PDE10A: variants seen among roughly 807,000 people sequenced by gnomAD.
PDE10A encodes cAMP and cAMP-inhibited cGMP 3',5'-cyclic phosphodiesterase 10A.
Under a neutral mutation model 97.7 loss-of-function variants are expected in PDE10A, and 39 were observed. The ratio of observed to expected loss-of-function variants is 0.40; its 90% CI spans 0.31 to 0.52. The LOEUF (loss-of-function observed/expected upper bound fraction) is 0.52, where lower values mean the gene tolerates loss of function less well. Among genes scored for constraint, PDE10A ranks in the 20% least tolerant of loss-of-function variants. The pLI, the probability that PDE10A is intolerant of heterozygous loss-of-function variation, is 0.56. For missense variants in PDE10A, 731 were observed against 1,047.8 expected (o/e 0.70, Z 4.17); for synonymous variants, 371 against 376.8 (o/e 0.98, Z 0.18).
intron 1 of PDE10A, among the ~76,000 whole-genome samples, chr6:165,794,562 C>T (rs1778777003): frequency 6.6e-6 from 1 of 151,420 alleles, no homozygotes; most frequent in Non-Finnish European, 1.5e-5. Flanking sequence ...CACAAGGTCA[C>T]TTACACACAC....
intron 18 of PDE10A, among the ~76,000 whole-genome samples, chr6:165,350,643 C>G (rs1782631803): frequency 6.6e-6 from 1 of 152,116 alleles, no homozygotes; most frequent in Non-Finnish European, 1.5e-5. Flanking sequence ...GGCTGTGTCC[C>G]CACCCAAATC....
chr6:165,964,684 A>C (rs1407249232), intron 1 of PDE10A, among the ~76,000 whole-genome samples: 1 of 152,206 alleles, frequency 6.6e-6, no homozygotes, highest in Non-Finnish European at 1.5e-5. Flanking sequence ...GCAGTGCCCA[A>C]TTTAGAAGGA....
rs117998630 is a variant in PDE10A at position 165,478,716 on chromosome 6, G to T, written c.1023+3599C>A. ...CTTTCCAGGTCTTTTCTCTGATCCA[G>T]GAGAGTCTAAGATTCTGGTAGCTGT... On this transcript the variant is annotated intron_variant, in intron 3 of 21. Coordinates refer to ENST00000539869, the MANE Select transcript of PDE10A (RefSeq NM_001385079.1). Among the ~76,000 whole-genome samples the T allele has an allele frequency of 1.7e-4, 26 of 152,260 alleles. No individual in the cohort carries two copies. The East Asian group carries it at 4.6e-3, about 27-fold the overall frequency.
chr6:165,417,861 GCCAGAATGGTGTTATTA>G (rs1456564432), intron 11 of PDE10A, among the ~76,000 whole-genome samples: 3 of 152,028 alleles, frequency 2.0e-5, no homozygotes, highest in Non-Finnish European at 4.4e-5. Flanking sequence ...ACAGTGTTTT[GCCAGAATGGTGTTATTA>G]CCAGAGAACT....
At chr6:165,520,409 T>C (rs1234038309) in intron 2 of PDE10A, among the ~76,000 whole-genome samples, 1 of 152,146 alleles carries the variant, frequency 6.6e-6, no homozygotes, top group Non-Finnish European at 1.5e-5. Context: ...TAGTAATATG[T>C]ATAACATCTG....
intron 1 of PDE10A, among the ~76,000 whole-genome samples, chr6:165,590,462 T>C (rs1188112902): frequency 1.3e-5 from 2 of 152,096 alleles, no homozygotes; most frequent in Non-Finnish European, 2.9e-5. Context: ...ACAGCAAACA[T>C]AAAGAGTATG....
chr6:165,468,596 T>A (rs1025626033), intron 3 of PDE10A, among the ~76,000 whole-genome samples: 4 of 152,216 alleles, frequency 2.6e-5, no homozygotes, highest in African/African-American at 9.6e-5. Flanking sequence ...GTAAGGTTTT[T>A]AACAAATATT....
At chr6:165,810,483 C>G (rs945222080) in intron 1 of PDE10A, among the ~76,000 whole-genome samples, 5 of 152,174 alleles carry the variant, frequency 3.3e-5, no homozygotes, top group Non-Finnish European at 7.3e-5. Context: ...CCTCAGAGCA[C>G]TCAGCTTCAT....
intron 2 of PDE10A, among the ~76,000 whole-genome samples, chr6:165,543,200 C>T (rs913452429): frequency 6.6e-6 from 1 of 152,120 alleles, no homozygotes; most frequent in African/African-American, 2.4e-5. Flanking sequence ...ATGGTTGTAA[C>T]TTAATCAACT....
chr6:165,444,385 T>C (rs1035679373), intron 5 of PDE10A, among the ~76,000 whole-genome samples: 3 of 152,192 alleles, frequency 2.0e-5, no homozygotes, highest in Non-Finnish European at 2.9e-5. Flanking sequence ...TAACCTAATA[T>C]ACTGAGTTTA....
chr6:165,342,651 C>A (rs1045947867), intron 19 of PDE10A, among the ~76,000 whole-genome samples: 1 of 152,184 alleles, frequency 6.6e-6, no homozygotes, highest in East Asian at 1.9e-4. Context: ...TCCAAATTTA[C>A]TTTTATTTAT....
chr6:165,815,590 C>T (rs745655580), intron 1 of PDE10A, among the ~76,000 whole-genome samples: 12 of 152,054 alleles, frequency 7.9e-5, no homozygotes, highest in Admixed American at 1.3e-4. Flanking sequence ...ATGGGGTCGG[C>T]GAAGGTGGAC....
At chr6:165,537,198 T>C (rs919872611) in intron 2 of PDE10A, among the ~76,000 whole-genome samples, 6 of 151,966 alleles carry the variant, frequency 3.9e-5, no homozygotes, top group African/African-American at 9.7e-5. Flanking sequence ...AGACAAAAAT[T>C]GCATGTTCTT....
chr6:165,806,368 G>A (rs2128466490), intron 1 of PDE10A, among the ~76,000 whole-genome samples: 2 of 152,296 alleles, frequency 1.3e-5, no homozygotes, highest in South Asian at 4.1e-4. Context: ...CTGCTCCATC[G>A]GGGTAGGTGA....
intron 1 of PDE10A, among the ~76,000 whole-genome samples, chr6:165,850,615 G>C (rs1374710286): frequency 1.3e-5 from 2 of 152,126 alleles, no homozygotes; most frequent in Non-Finnish European, 2.9e-5. Flanking sequence ...AGCGACACTG[G>C]CAGCTGGGTG....
At chr6:165,590,153 G>C (rs1328379) in intron 1 of PDE10A, among the ~76,000 whole-genome samples, 30,218 of 152,122 alleles carry the variant, frequency 0.2, 3,303 homozygotes, top group African/African-American at 0.28. Context: ...ACTAGAAAAG[G>C]TTCCGGGATA....
chr6:165,333,755 G>A (rs1488845433), intron 21 of PDE10A, among the ~76,000 whole-genome samples: 1 of 152,202 alleles, frequency 6.6e-6, no homozygotes, highest in East Asian at 1.9e-4. Context: ...AGTGTCTGTG[G>A]TTCAAGCTTC....
intron 1 of PDE10A, among the ~76,000 whole-genome samples, chr6:165,833,195 T>C (rs1779973588): frequency 6.6e-6 from 1 of 152,234 alleles, no homozygotes; most frequent in Non-Finnish European, 1.5e-5. Context: ...TCAAGTGATC[T>C]TTGAAAGAAA....
rs868196025 is a variant in PDE10A at position 165,855,310 on chromosome 6, G to A, written c.-615+132219C>T. The stretch of plus-strand genomic sequence containing the variant: ...ATAGGCGGCGCGGGAAGTGGCGGGG[G>A]GGGGGGGGGACTCAGGGGCGCTGCC... On this transcript the variant is annotated intron_variant, in intron 1 of 19. Transcript: ENST00000366882. 8.9e-4 allele frequency among the ~76,000 whole-genome samples: 133 copies of A among 149,544 alleles called. 4 individuals are homozygous for A. The East Asian group carries it at 0.022, about 24-fold the overall frequency.
Sources: allele counts gnomAD v4.1 joint callset (sites outside exome capture counted in the v4.1 genomes callset), GRCh38; gene constraint gnomAD v4.1.1; transcripts MANE v1.5; gene names NCBI Gene and HGNC (gene_info 2026-07-23, HGNC 2026-07-21).